COL23A1: variants seen among roughly 807,000 people sequenced by gnomAD.
COL23A1 encodes collagen type XXIII alpha 1 chain.
COL23A1 carries 97 observed loss-of-function variants against 99.3 expected under a neutral mutation model. The observed-to-expected ratio is 0.98, with a 90% CI of 0.83 to 1.16. The LOEUF (loss-of-function observed/expected upper bound fraction) is 1.16. Among genes scored for constraint, COL23A1 ranks in the 50% most tolerant of loss-of-function variants. The pLI, the probability that COL23A1 is intolerant of heterozygous loss-of-function variation, is 0.00. For synonymous variants in COL23A1, 320 were observed against 308.2 expected (o/e 1.04, Z -0.40); for missense variants, 762 against 757.4 (o/e 1.01, Z -0.07).
intron 2 of COL23A1, among the ~76,000 whole-genome samples, chr5:178,374,421 G>GTGGACAGC (rs1762960793): frequency 6.6e-6 from 1 of 152,182 alleles, no homozygotes; most frequent in Non-Finnish European, 1.5e-5. Context: ...CACAGACACC[G>GTGGACAGC]TGGACAGCAG....
At chr5:178,457,879 T>C (rs1253052106) in intron 2 of COL23A1, among the ~76,000 whole-genome samples, 1 of 152,248 alleles carries the variant, frequency 6.6e-6, no homozygotes, top group Non-Finnish European at 1.5e-5. Context: ...TTAAGATGCA[T>C]TTTATCTTAA....
Position 178,246,400 on chromosome 5 carries a change from G to A in COL23A1, c.1350C>T (p.Ser450=), listed in dbSNP as rs200782719. The change falls in exon 23 of 29, where the codon AGC becomes AGT. Residue 450 remains serine (S), a synonymous_variant. Transcript: ENST00000390654. ...CGCTTGTGAGACTCACAGGCAGGCC[G>A]CTGGGGCCTCTCTCACCCGACGCAC... is the stretch of plus-strand genomic sequence containing the variant. ...EKGASGERGP[S]GLPGPVGPPG... is the part of the protein sequence containing the mutation. 8.4e-3 allele frequency: 13,225 copies of A among 1,579,392 alleles called. 64 individuals are homozygous for A. The highest frequency in any genetic ancestry group is 0.01 in the Non-Finnish European group (12,078 of 1,161,990).
At chr5:178,491,463 C>T (rs1049401004) in intron 2 of COL23A1, among the ~76,000 whole-genome samples, 5 of 152,104 alleles carry the variant, frequency 3.3e-5, no homozygotes, top group Admixed American at 6.5e-5. Context: ...GAACTGTGCA[C>T]GGTGGAGCCA....
At chr5:178,279,983 T>C (rs1161610138) in intron 5 of COL23A1, among the ~76,000 whole-genome samples, 2 of 152,348 alleles carry the variant, frequency 1.3e-5, no homozygotes, top group African/African-American at 2.4e-5. Flanking sequence ...GAGGGACCCC[T>C]GGATGTGTTT....
intron 2 of COL23A1, among the ~76,000 whole-genome samples, chr5:178,492,240 CA>C (rs1482789545): frequency 6.6e-6 from 1 of 152,074 alleles, no homozygotes; most frequent in Non-Finnish European, 1.5e-5. Context: ...TGTGTCCCCC[CA>C]AAATTTATAT....
At chr5:178,561,743 T>A (rs900762266) in intron 1 of COL23A1, 1 of 176,786 alleles carries the variant, frequency 5.7e-6, no homozygotes, top group Non-Finnish European at 1.2e-5. Flanking sequence ...AAGTGAACAG[T>A]GCAGCGCCAC....
At chr5:178,391,718 T>C (rs1171589059) in intron 2 of COL23A1, among the ~76,000 whole-genome samples, 1 of 152,202 alleles carries the variant, frequency 6.6e-6, no homozygotes, top group Non-Finnish European at 1.5e-5. Context: ...GATCTAGTAA[T>C]TCTGCTCCTA....
chr5:178,284,284 C>T (rs1581524267), intron 5 of COL23A1, among the ~76,000 whole-genome samples: 1 of 152,230 alleles, frequency 6.6e-6, no homozygotes, highest in African/African-American at 2.4e-5. Context: ...CAGGATTACA[C>T]AAACCTTATC....
At chr5:178,311,096 G>A (rs58718587) in intron 2 of COL23A1, among the ~76,000 whole-genome samples, 13,532 of 152,144 alleles carry the variant, frequency 0.089, 665 homozygotes, top group Middle Eastern at 0.13. Context: ...GGACCCACAC[G>A]GCTCTGAGCT....
In COL23A1 at chr5:178,409,828, A is replaced by G. The variant is rs142959141; in HGVS notation, c.362-102909T>C. Among the ~76,000 whole-genome samples, 99 of 152,326 alleles carry G rather than the reference A, an allele frequency of 6.5e-4. 2 individuals carry two copies. The East Asian group carries it at 0.017, about 26-fold the overall frequency. On this transcript the variant is annotated intron_variant, in intron 2 of 28. Coordinates refer to ENST00000390654, the MANE Select transcript of COL23A1 (RefSeq NM_173465.4). Reference sequence around the variant, plus strand: ...GGATAGATTGTTCAGAACAGATAAAATTGGATGCCTACCTCAGTCATTTTA... The same window carrying G: ...GGATAGATTGTTCAGAACAGATAAAGTTGGATGCCTACCTCAGTCATTTTA...
chr5:178,325,399 C>T (rs1759591811), intron 2 of COL23A1, among the ~76,000 whole-genome samples: 1 of 152,202 alleles, frequency 6.6e-6, no homozygotes, highest in African/African-American at 2.4e-5. Context: ...CCATGAGTTA[C>T]TCCTAGCCCA....
chr5:178,425,468 A>T (rs999161089), intron 2 of COL23A1, among the ~76,000 whole-genome samples: 1 of 150,988 alleles, frequency 6.6e-6, no homozygotes, highest in South Asian at 2.1e-4. Flanking sequence ...TAAATAAATA[A>T]AAATAAAATA....
chr5:178,414,011 A>AACTT (rs1157320466), intron 2 of COL23A1, among the ~76,000 whole-genome samples: 2 of 152,178 alleles, frequency 1.3e-5, no homozygotes, highest in East Asian at 3.8e-4. Context: ...AAGCTGATGT[A>AACTT]ACCAGCCTGC....
At chr5:178,371,242 C>T (rs913359827) in intron 2 of COL23A1, among the ~76,000 whole-genome samples, 6 of 152,310 alleles carry the variant, frequency 3.9e-5, no homozygotes, top group South Asian at 2.1e-4. Flanking sequence ...GACCCTGAAA[C>T]GCACATCCAA....
At chr5:178,301,770 T>C (rs893934223) in intron 3 of COL23A1, among the ~76,000 whole-genome samples, 1 of 152,228 alleles carries the variant, frequency 6.6e-6, no homozygotes, top group Non-Finnish European at 1.5e-5. Context: ...GGGCTGTGTG[T>C]GCTGGAGCAC....
intron 19 of COL23A1, among the ~76,000 whole-genome samples, chr5:178,248,642 GGAC>G (rs1169182603): frequency 1.3e-5 from 2 of 152,128 alleles, no homozygotes; most frequent in Non-Finnish European, 2.9e-5. Flanking sequence ...AAAATCATGA[GGAC>G]AACAGTGGGC....
chr5:178,457,221 T>A (rs67405022), intron 2 of COL23A1, among the ~76,000 whole-genome samples: 1 of 151,964 alleles, frequency 6.6e-6, no homozygotes, highest in Admixed American at 6.6e-5. Flanking sequence ...TCTTTTTTTC[T>A]TTTTTCTTTT....
chr5:178,357,906 ATGTGTGTGTATGTG>A (rs1362319296), intron 2 of COL23A1, among the ~76,000 whole-genome samples: 5 of 108,626 alleles, frequency 4.6e-5, no homozygotes, highest in African/African-American at 1.5e-4. Flanking sequence ...TGTGTGTCTA[ATGTGTGTGTATGTG>A]TATGTGTGTA....
Position 178,529,201 on chromosome 5 carries a change from C to A in COL23A1, c.361+31481G>T, listed in dbSNP as rs529035707. Among the ~76,000 whole-genome samples the A allele has an allele frequency of 1.6e-3, 250 of 152,336 alleles. 1 individual carries two copies. The highest frequency in any genetic ancestry group is 5.5e-3 in the African/African-American group (229 of 41,576). ...AGTCTAGCCCTGGGCTTCTTTACGT[C>A]TGGGTGGCTGGATTCCGTGAGGATG... On this transcript the variant is annotated intron_variant, in intron 2 of 28. Transcript: ENST00000390654.
Sources: allele counts gnomAD v4.1 joint callset (sites outside exome capture counted in the v4.1 genomes callset), GRCh38; gene constraint gnomAD v4.1.1; transcripts MANE v1.5; gene names NCBI Gene and HGNC (gene_info 2026-07-23, HGNC 2026-07-21).